The following DNAH14 variants were observed in gnomAD, a reference collection of about 807,000 sequenced individuals.
DNAH14 encodes axonemal beta dynein heavy chain 14.
Under a neutral mutation model 520.9 loss-of-function variants are expected in DNAH14, and 478 were observed. The observed-to-expected ratio is 0.92, with a 90% CI of 0.85 to 0.99. The LOEUF is 0.99. DNAH14 is among the 50% of genes least tolerant of loss of function. The pLI is 0.00. For synonymous variants in DNAH14, 1,581 were observed against 1,757.2 expected (o/e 0.90, Z 2.51); for missense variants, 4,831 against 5,234.5 (o/e 0.92, Z 2.38).
chr1:225,299,891 C>T (rs1057487912), intron 55 of DNAH14, among the ~76,000 whole-genome samples: 4 of 152,140 alleles, frequency 2.6e-5, no homozygotes, highest in African/African-American at 9.7e-5. Context: ...TGGAGAGCTC[C>T]CCACAAGCTC....
At chr1:225,148,739 T>A (rs2080199414) in intron 31 of DNAH14, among the ~76,000 whole-genome samples, 1 of 152,160 alleles carries the variant, frequency 6.6e-6, no homozygotes, top group Non-Finnish European at 1.5e-5. Context: ...TGCATATATG[T>A]CTTCTTTTGA....
At chr1:225,002,104 T>A (rs1368485121) in intron 8 of DNAH14, among the ~76,000 whole-genome samples, 1 of 152,068 alleles carries the variant, frequency 6.6e-6, no homozygotes, top group Non-Finnish European at 1.5e-5. Flanking sequence ...AATCAGCCAC[T>A]CCAAAGGGAT....
At position 224,951,197 on chromosome 1, in the gene DNAH14, T is replaced by G. The variant is rs2060148392; in HGVS notation, c.-33-1473T>G. 3.3e-5 allele frequency among the ~76,000 whole-genome samples: 5 copies of G among 152,272 alleles called. No homozygotes were observed. In the South Asian group the frequency reaches 1.0e-3, roughly 32 times the overall value. ...TGCACCACCACTCCTGGCTAATTTTTGTATTTTTAGTAGAGGCGGGGTTTT... is the reference window on the plus strand; with the variant it reads ...TGCACCACCACTCCTGGCTAATTTTGGTATTTTTAGTAGAGGCGGGGTTTT... On this transcript the variant is annotated intron_variant, in intron 1 of 85. Transcript: ENST00000682510.
At chr1:225,103,713 A>G (rs1162537290) in intron 23 of DNAH14, among the ~76,000 whole-genome samples, 3 of 152,166 alleles carry the variant, frequency 2.0e-5, no homozygotes, top group Non-Finnish European at 4.4e-5. Flanking sequence ...GTGTATAAGA[A>G]CGCTTGTGAT....
intron 19 of DNAH14, 83 bp downstream of exon 19, chr1:225,080,831 GT>G: frequency 7.2e-7 from 1 of 1,380,974 alleles, no homozygotes; most frequent in Non-Finnish European, 9.6e-7. Context: ...TCCTTGGCTT[GT>G]TTCTTTACCC....
chr1:225,250,415 C>G (rs887063440), intron 43 of DNAH14, among the ~76,000 whole-genome samples: 6 of 152,162 alleles, frequency 3.9e-5, no homozygotes, highest in Non-Finnish European at 8.8e-5. Context: ...AGCTTGTAGC[C>G]TACTTCTGTA....
Position 225,206,956 on chromosome 1 carries a change from C to T in DNAH14, c.6187-12C>T, listed in dbSNP as rs2087651589. The T allele has an allele frequency of 6.8e-7, 1 of 1,461,066 alleles. No homozygotes were observed. The highest frequency in any genetic ancestry group is 2.6e-5 in the East Asian group (1 of 38,640). The allele number at this position is 1,461,066 out of a possible 1,614,324, so 90.5% of individuals were successfully genotyped here. A position where few individuals can be genotyped will look rare whatever the true frequency, so the allele number is the denominator to read the frequency against. ...TATTTACATAAGATTATATTTTGCT[C>T]CTTATTATTAGGATCCTGTTGATCT... On this transcript the variant is annotated splice_polypyrimidine_tract_variant and intron_variant, in intron 40 of 85. Transcript: ENST00000682510.
chr1:225,055,804 C>T (rs1242944693), intron 17 of DNAH14, among the ~76,000 whole-genome samples: 8 of 151,166 alleles, frequency 5.3e-5, no homozygotes, highest in East Asian at 2.0e-4. Flanking sequence ...TTTGTCCTTG[C>T]GATAGTTTGC....
intron 10 of DNAH14, among the ~76,000 whole-genome samples, chr1:225,015,173 T>C (rs930949591): frequency 6.6e-6 from 1 of 152,182 alleles, no homozygotes; most frequent in Admixed American, 6.5e-5. Flanking sequence ...TCACTTTCAG[T>C]CTGTGCATGT....
rs1242915800 is a variant in DNAH14, at chr1:225,258,027, A to C, written c.6933A>C (p.Glu2311Asp). ...TCTTGAAGATAACAGAATGTGGAGAATGCATTAATTATACCGCTACCAGAG... is the reference window on the plus strand; with the variant it reads ...TCTTGAAGATAACAGAATGTGGAGACTGCATTAATTATACCGCTACCAGAG... ...GNFLKITECG[E>D]CINYTATRDT... Residue 2311 changes from glutamate to aspartate, a missense_variant, in exon 45 of 86, where the codon GAA (glutamate) becomes GAC (aspartate). Physicochemically the swap from Glu to Asp is conservative, Grantham distance 45 (BLOSUM62 2). Coordinates refer to ENST00000682510, the MANE Select transcript of DNAH14 (RefSeq NM_001367479.1). The C allele has an allele frequency of 6.5e-7, 1 of 1,550,122 alleles. No homozygotes were observed. Among genetic ancestry groups the C allele is most frequent in the Admixed American group, 2.0e-5 (1 of 50,818 alleles).
At chr1:225,054,020 T>G (rs1290440527) in intron 17 of DNAH14, among the ~76,000 whole-genome samples, 1 of 151,994 alleles carries the variant, frequency 6.6e-6, no homozygotes, top group Non-Finnish European at 1.5e-5. Context: ...TCACTGAGAA[T>G]CTGTGAGTGC....
At chr1:225,153,019 G>C in intron 33 of DNAH14, 136 bp downstream of exon 33, 1 of 934,330 alleles carries the variant, frequency 1.1e-6, no homozygotes, top group Admixed American at 3.3e-5. Flanking sequence ...CAAAATAATG[G>C]AGCTAGAATT....
At chr1:225,320,876 A>T (rs555608248) in intron 61 of DNAH14, among the ~76,000 whole-genome samples, 26 of 152,242 alleles carry the variant, frequency 1.7e-4, no homozygotes, top group Non-Finnish European at 3.4e-4. Context: ...ATTGAACTAC[A>T]GTCAGTTTAA....
chr1:225,162,668 C>T (rs1233810980), intron 35 of DNAH14, among the ~76,000 whole-genome samples: 1 of 152,172 alleles, frequency 6.6e-6, no homozygotes, highest in Non-Finnish European at 1.5e-5. Flanking sequence ...AATCCATGAA[C>T]ATGGAATAGC....
intron 35 of DNAH14, among the ~76,000 whole-genome samples, 191 bp from the exon 36 acceptor site, chr1:225,167,748 A>C (rs2082167362): frequency 6.6e-6 from 1 of 152,162 alleles, no homozygotes; most frequent in African/African-American, 2.4e-5. Flanking sequence ...TTTTGTGTTC[A>C]CTGTATTTTT....
intron 60 of DNAH14, among the ~76,000 whole-genome samples, chr1:225,313,223 T>C (rs897405812): frequency 1.9e-4 from 29 of 152,218 alleles, no homozygotes; most frequent in Non-Finnish European, 4.4e-5. Flanking sequence ...TTTTCTAGTT[T>C]ATTTGTGTAG....
chr1:224,943,146 G>A (rs988027122), intron 1 of DNAH14, among the ~76,000 whole-genome samples: 1 of 152,164 alleles, frequency 6.6e-6, no homozygotes, highest in African/African-American at 2.4e-5. Context: ...GACTTTTATG[G>A]TTGGTAAGCT....
intron 44 of DNAH14, 98 bp from the exon 45 acceptor site, chr1:225,257,862 A>T: frequency 9.8e-7 from 1 of 1,018,998 alleles, no homozygotes; most frequent in Non-Finnish European, 1.4e-6. Context: ...ATATACAATT[A>T]ATGAAAATAA....
intron 17 of DNAH14, among the ~76,000 whole-genome samples, chr1:225,063,738 T>C (rs139377067): frequency 2.3e-3 from 355 of 152,068 alleles, no homozygotes; most frequent in African/African-American, 8.1e-3. Context: ...TGAAAAATGA[T>C]GAAATAGTTT....
Sources: allele counts gnomAD v4.1 joint callset (sites outside exome capture counted in the v4.1 genomes callset), GRCh38; gene constraint gnomAD v4.1.1; transcripts MANE v1.5; gene names NCBI Gene and HGNC (gene_info 2026-07-23, HGNC 2026-07-21).